Variants in MAN1B1 observed in about 807,000 individuals in gnomAD.
MAN1B1 encodes mannosidase alpha class 1B member 1.
Under a neutral mutation model 75.5 loss-of-function variants are expected in MAN1B1, and 66 were observed. The observed-to-expected ratio is 0.87, with a 90% CI of 0.72 to 1.07. MAN1B1 has a LOEUF of 1.07. Among genes scored for constraint, MAN1B1 ranks in the 50% least tolerant of loss-of-function variants. MAN1B1 has a pLI of 0.00. For missense variants in MAN1B1, 973 were observed against 912.5 expected, an observed-to-expected ratio of 1.07 and a Z score of -0.85; for synonymous variants, 453 against 382.8, an observed-to-expected ratio of 1.18 and a Z score of -2.14.
chr9:137,092,436 G>A (rs898142820), intron 3 of MAN1B1, among the ~76,000 whole-genome samples: 5 of 152,080 alleles, frequency 3.3e-5, no homozygotes, highest in South Asian at 2.1e-4. Flanking sequence ...ACGTGTGTAC[G>A]TAATTGAGGG....
chr9:137,106,504 G>T, intron 9 of MAN1B1, 185 bp from the exon 10 acceptor site: 1 of 1,016,834 alleles, frequency 9.8e-7, no homozygotes, highest in Non-Finnish European at 1.5e-6. Flanking sequence ...ACCTCTCACC[G>T]TGGCCTCTGG....
Position 137,101,139 on chromosome 9 carries a change from T to A in MAN1B1, c.1051T>A (p.Phe351Ile). 6.2e-7 allele frequency: 1 copy of A among 1,614,014 alleles called. No individual in the cohort carries two copies. The highest frequency in any genetic ancestry group is 1.3e-5 in the African/African-American group (1 of 75,054). Residue 351 changes from phenylalanine (F) to isoleucine (I), a missense_variant, in exon 7 of 13, where the codon TTC becomes ATC. Coordinates refer to ENST00000371589, the MANE Select transcript of MAN1B1 (RefSeq NM_016219.5). Reference protein sequence around the residue: ...SAYHLSGDSLFLRKAEDFGNR... With the variant: ...SAYHLSGDSLILRKAEDFGNR... ...CTACCACCTGTCTGGGGACAGCCTC[T>A]TCCTGAGGAAAGCTGTAAGTGTCTT...
Position 137,088,692 on chromosome 9 carries a change from A to T in MAN1B1, c.329-177A>T, listed in dbSNP as rs903570136. On this transcript the variant is annotated intron_variant, in intron 2 of 12. Transcript: ENST00000371589. ...GTTATGGACAAGGACACAAACTGCC[A>T]AGTGTTTTGAAAAAGATTTCATTCC... is the stretch of plus-strand genomic sequence containing the variant. 5 of 791,836 alleles carry T rather than the reference A, an allele frequency of 6.3e-6. No individual in the cohort carries two copies. The African/African-American group carries it at 8.6e-5, about 14-fold the overall frequency. 49.1% of individuals were successfully genotyped at this position (791,836 alleles called of 1,614,324 possible).
chr9:137,088,812 T>C (rs1359337969), intron 2 of MAN1B1, 57 bp from the exon 3 acceptor site: 1 of 1,601,662 alleles, frequency 6.2e-7, no homozygotes, highest in Non-Finnish European at 8.5e-7. Context: ...ATAAAGCAGT[T>C]TAAATCTCTT....
chr9:137,099,167 G>A (rs9411306), intron 5 of MAN1B1, among the ~76,000 whole-genome samples: 11,363 of 152,342 alleles, frequency 0.075, 423 homozygotes, highest in South Asian at 0.14. Context: ...GGACTGTAGC[G>A]CGTGTGCACA....
At chr9:137,093,139 C>A (rs1229221128) in intron 3 of MAN1B1, among the ~76,000 whole-genome samples, 2 of 152,182 alleles carry the variant, frequency 1.3e-5, no homozygotes, top group African/African-American at 4.8e-5. Context: ...GTAGTCCCAG[C>A]ACTTTGGGAG....
intron 8 of MAN1B1, chr9:137,102,087 A>C (rs575008203): frequency 4.1e-4 from 182 of 448,148 alleles, no homozygotes; most frequent in African/African-American, 3.8e-3. Flanking sequence ...GTGGTGTTAC[A>C]TGCTGTTGCA....
At chr9:137,106,649 C>G (rs1387400421) in intron 9 of MAN1B1, 40 bp from the exon 10 acceptor site, 4 of 1,612,594 alleles carry the variant, frequency 2.5e-6, no homozygotes, top group Non-Finnish European at 3.4e-6. Context: ...GGAGCCGATG[C>G]ACCGTCCTGG....
chr9:137,095,440 C>T (rs1025736232), intron 3 of MAN1B1, among the ~76,000 whole-genome samples: 21 of 151,830 alleles, frequency 1.4e-4, no homozygotes, highest in Admixed American at 1.3e-3. Context: ...TGGCTTGTGC[C>T]GGGCATGTTG....
intron 5 of MAN1B1, among the ~76,000 whole-genome samples, chr9:137,099,409 G>T (rs1489478543): frequency 6.6e-6 from 1 of 152,262 alleles, no homozygotes; most frequent in African/African-American, 2.4e-5. Flanking sequence ...GCCTGCCCAG[G>T]CGCCAGGTGG....
At chr9:137,094,328 T>C (rs1379463243) in intron 3 of MAN1B1, 2 of 435,460 alleles carry the variant, frequency 4.6e-6, no homozygotes, top group Non-Finnish European at 9.3e-6. Flanking sequence ...GTAACGGTGA[T>C]TTTTAAGACT....
At chr9:137,101,788 T>G (rs940981902) in intron 8 of MAN1B1, 116 bp downstream of exon 8, 22 of 1,261,918 alleles carry the variant, frequency 1.7e-5, no homozygotes, top group Non-Finnish European at 2.0e-5. Flanking sequence ...TTTTTTACTG[T>G]GATAAAACAC....
chr9:137,106,058 C>G (rs1382039065), intron 8 of MAN1B1, 67 bp from the exon 9 acceptor site: 1 of 1,279,898 alleles, frequency 7.8e-7, no homozygotes, highest in Non-Finnish European at 1.1e-6. Context: ...GCTCACAGAG[C>G]CCCTCTACAG....
chr9:137,087,610 T>G (rs1329993159), intron 1 of MAN1B1: 2 of 447,616 alleles, frequency 4.5e-6, no homozygotes, highest in Admixed American at 6.6e-5. Flanking sequence ...CCTGGTCTGT[T>G]CGTGGTGGTC....
chr9:137,091,866 C>T (rs1830526701), intron 3 of MAN1B1, among the ~76,000 whole-genome samples: 1 of 152,146 alleles, frequency 6.6e-6, no homozygotes, highest in South Asian at 2.1e-4. Flanking sequence ...CTATGTTGCC[C>T]AGACTGGTCT....
chr9:137,103,963 G>A (rs201180813), intron 8 of MAN1B1: 4 of 275,716 alleles, frequency 1.5e-5, no homozygotes, highest in Admixed American at 9.0e-5. Flanking sequence ...CGGTGGTGTT[G>A]CACATTCATG....
intron 4 of MAN1B1, among the ~76,000 whole-genome samples, chr9:137,097,521 C>T (rs1830683752): frequency 6.6e-6 from 1 of 152,216 alleles, no homozygotes; most frequent in Non-Finnish European, 1.5e-5. Context: ...GAAAGATTCT[C>T]TACTCCTCCA....
chr9:137,106,376 C>G, intron 9 of MAN1B1, 61 bp downstream of exon 9: 1 of 1,431,120 alleles, frequency 7.0e-7, no homozygotes. Flanking sequence ...GCCCCCCACT[C>G]CTGCTGCCCC....
chr9:137,105,753 A>G (rs766992039), intron 8 of MAN1B1: 1 of 419,556 alleles, frequency 2.4e-6, no homozygotes, highest in South Asian at 1.8e-5. Flanking sequence ...AGGCAGGCAC[A>G]CTTGCCGTCC....
Sources: gnomAD v4.1 joint callset for allele counts (sites outside exome capture counted in the v4.1 genomes callset) on GRCh38, gnomAD v4.1.1 for gene constraint, MANE v1.5 for transcripts, NCBI Gene and HGNC (gene_info 2026-07-23, HGNC 2026-07-21) for gene names.